Variants in DCC observed in about 807,000 individuals in gnomAD.
The protein encoded by DCC is netrin receptor DCC.
DCC carries 58 observed loss-of-function variants against 172.5 expected under a neutral mutation model. The ratio of observed to expected loss-of-function variants is 0.34; its 90% CI spans 0.27 to 0.42. The LOEUF is 0.42. Ranked by LOEUF, DCC falls within the 10% of genes least tolerant of loss-of-function variation. DCC has a pLI of 1.00. For synonymous variants in DCC, 709 were observed against 644.5 expected (o/e 1.10, Z -1.52); for missense variants, 1,740 against 1,791.0 (o/e 0.97, Z 0.51).
At chr18:52,856,532 T>C (rs972137760) in intron 2 of DCC, among the ~76,000 whole-genome samples, 2 of 142,502 alleles carry the variant, frequency 1.4e-5, no homozygotes, top group South Asian at 4.4e-4. Context: ...AAGCTGAGGC[T>C]GGAGGATGGC....
intron 7 of DCC, among the ~76,000 whole-genome samples, chr18:53,151,644 C>T (rs1460997873): frequency 6.7e-6 from 1 of 149,698 alleles, no homozygotes; most frequent in Non-Finnish European, 1.5e-5. Flanking sequence ...CAATTAAAAA[C>T]AAATAAATAA....
At chr18:52,813,769 A>G (rs915774500) in intron 2 of DCC, among the ~76,000 whole-genome samples, 1 of 152,196 alleles carries the variant, frequency 6.6e-6, no homozygotes, top group Non-Finnish European at 1.5e-5. Flanking sequence ...AATAGAACAA[A>G]AAGGCTGAGT....
chr18:53,063,234 G>T, intron 5 of DCC, 71 bp from the exon 6 acceptor site: 2 of 1,401,084 alleles, frequency 1.4e-6, no homozygotes, highest in East Asian at 2.3e-5. Context: ...TTTAAACTCA[G>T]TGAAGACCTC....
chr18:53,454,832 C>A (rs1248013700), intron 23 of DCC, among the ~76,000 whole-genome samples: 4 of 152,238 alleles, frequency 2.6e-5, no homozygotes, highest in Middle Eastern at 3.4e-3. Context: ...AATTGGTTTT[C>A]AATATTCACC....
chr18:53,362,665 A>G (rs1449917969), intron 15 of DCC, among the ~76,000 whole-genome samples: 1 of 152,142 alleles, frequency 6.6e-6, no homozygotes, highest in Non-Finnish European at 1.5e-5. Context: ...TTTTCTGAAT[A>G]GGCTATCATC....
intron 5 of DCC, among the ~76,000 whole-genome samples, chr18:52,928,986 G>T (rs11875500): frequency 0.012 from 1,849 of 152,136 alleles, 29 homozygotes; most frequent in African/African-American, 0.04. Context: ...TAGGTGAAAG[G>T]AGTCTCTTCA....
intron 2 of DCC, among the ~76,000 whole-genome samples, chr18:52,800,972 G>T (rs974998864): frequency 2.0e-5 from 3 of 152,194 alleles, no homozygotes; most frequent in African/African-American, 7.2e-5. Flanking sequence ...TTGTTAGAGA[G>T]ATAGGAGCCT....
intron 2 of DCC, among the ~76,000 whole-genome samples, chr18:52,860,698 C>A (rs2039127656): frequency 6.6e-6 from 1 of 152,178 alleles, no homozygotes; most frequent in African/African-American, 2.4e-5. Context: ...CATATAGGTT[C>A]TTTAAAAGTT....
chr18:52,963,341 G>A (rs892929618), intron 5 of DCC, among the ~76,000 whole-genome samples: 1 of 151,604 alleles, frequency 6.6e-6, no homozygotes, highest in Non-Finnish European at 1.5e-5. Flanking sequence ...ATGTTTTCTA[G>A]GAGAATGATA....
At chr18:52,375,845 G>T (rs184050294) in intron 1 of DCC, among the ~76,000 whole-genome samples, 2 of 152,330 alleles carry the variant, frequency 1.3e-5, no homozygotes, top group Non-Finnish European at 2.9e-5. Flanking sequence ...TACCAGGTCA[G>T]ATCCTGACCC....
At chr18:52,924,005 G>A (rs2040163329) in intron 4 of DCC, 148 bp downstream of exon 4, 1 of 694,018 alleles carries the variant, frequency 1.4e-6, no homozygotes, top group South Asian at 1.6e-5. Flanking sequence ...GCATGATACA[G>A]TTATATGAAA....
intron 1 of DCC, among the ~76,000 whole-genome samples, chr18:52,671,438 TA>T (rs1167622024): frequency 2.0e-5 from 3 of 151,926 alleles, no homozygotes; most frequent in African/African-American, 7.3e-5. Flanking sequence ...AATATGCCTT[TA>T]AAAAAATCAA....
At chr18:52,687,664 G>A (rs2035863841) in intron 1 of DCC, among the ~76,000 whole-genome samples, 1 of 152,002 alleles carries the variant, frequency 6.6e-6, no homozygotes, top group South Asian at 2.1e-4. Flanking sequence ...TCTCAATATT[G>A]TGGGCTGTTA....
At position 52,923,872 on chromosome 18, in the gene DCC, A is replaced by G; in HGVS notation, c.848+15A>G. ...ATCCAACTCAGGTATTTCACATTTA[A>G]GACTTTTTTGTAAAGTGTACTTTTG... On this transcript the variant is annotated intron_variant, in intron 4 of 28. Coordinates refer to ENST00000442544, the MANE Select transcript of DCC (RefSeq NM_005215.4). 6.2e-7 allele frequency: 1 copy of G among 1,605,380 alleles called. No homozygotes were observed. Among genetic ancestry groups the G allele is most frequent in the Non-Finnish European group, 8.5e-7 (1 of 1,172,360 alleles).
At chr18:52,980,222 G>T (rs560782675) in intron 5 of DCC, among the ~76,000 whole-genome samples, 2 of 152,126 alleles carry the variant, frequency 1.3e-5, no homozygotes, top group Admixed American at 1.3e-4. Context: ...GTCGTCATGC[G>T]GCTCCAGCTG....
intron 12 of DCC, among the ~76,000 whole-genome samples, chr18:53,255,428 A>G (rs1160987198): frequency 7.9e-6 from 1 of 127,232 alleles, no homozygotes; most frequent in Non-Finnish European, 1.6e-5. Context: ...ATGTGTCCTC[A>G]TTGTTCACTT....
At chr18:53,011,950 G>A (rs1165479924) in intron 5 of DCC, among the ~76,000 whole-genome samples, 1 of 151,804 alleles carries the variant, frequency 6.6e-6, no homozygotes, top group Non-Finnish European at 1.5e-5. Context: ...AAACTACTCA[G>A]TATCGCTAGG....
At chr18:52,809,557 C>T (rs112373415) in intron 2 of DCC, 13,226 of 153,124 alleles carry the variant, frequency 0.086, 682 homozygotes, top group South Asian at 0.19. Context: ...TTAGCCATAT[C>T]GGGAGTGGCA....
intron 5 of DCC, among the ~76,000 whole-genome samples, chr18:52,969,050 T>C (rs6508180): frequency 0.67 from 102,543 of 151,954 alleles, 34,891 homozygotes; most frequent in Non-Finnish European, 0.72. Context: ...CTCACTTTTC[T>C]TCTTCCTCTA....
Sources: allele counts gnomAD v4.1 joint callset (sites outside exome capture counted in the v4.1 genomes callset), GRCh38; gene constraint gnomAD v4.1.1; transcripts MANE v1.5; gene names NCBI Gene and HGNC (gene_info 2026-07-23, HGNC 2026-07-21).